The following CNTLN variants were observed in gnomAD, a reference collection of about 807,000 sequenced individuals.
CNTLN encodes centlein, centrosomal protein.
Under a neutral mutation model 180.0 loss-of-function variants are expected in CNTLN, and 212 were observed. The observed-to-expected ratio is 1.18, with a 90% CI of 1.05 to 1.32. The LOEUF (loss-of-function observed/expected upper bound fraction) is 1.32. Among genes scored for constraint, CNTLN ranks in the 40% most tolerant of loss-of-function variants. CNTLN has a pLI of 0.00. For synonymous variants in CNTLN, 722 were observed against 563.1 expected, an observed-to-expected ratio of 1.28 and a Z score of -3.99; for missense variants, 2,095 against 1,610.9, an observed-to-expected ratio of 1.30 and a Z score of -5.14.
intron 5 of CNTLN, among the ~76,000 whole-genome samples, chr9:17,258,884 T>TG (rs1473142879): frequency 6.9e-6 from 1 of 145,902 alleles, no homozygotes; most frequent in Admixed American, 6.8e-5. Flanking sequence ...GCTGAGACAG[T>TG]GGGGTTTTCT....
At chr9:17,435,966 G>A (rs1829749329) in intron 18 of CNTLN, among the ~76,000 whole-genome samples, 1 of 152,052 alleles carries the variant, frequency 6.6e-6, no homozygotes, top group South Asian at 2.1e-4. Context: ...CTTTATATTA[G>A]AATGTGGCTG....
rs145545336 is a variant in CNTLN, at chr9:17,331,438, C to G, written c.1518+630C>G. Among the ~76,000 whole-genome samples, 166 of 151,794 alleles carry G rather than the reference C, an allele frequency of 1.1e-3. 1 individual carries two copies. Among genetic ancestry groups the G allele is most frequent in the Middle Eastern group, 4.1e-3 (1 of 246 alleles). On this transcript the variant is annotated intron_variant, in intron 9 of 25. Transcript: ENST00000380647. ...CAGAATGTTGACTAATATAAAAATT[C>G]TAAAATATCATGTAGTACATACATT... is the stretch of plus-strand genomic sequence containing the variant.
chr9:17,500,402 A>G (rs1373221945), intron 25 of CNTLN, among the ~76,000 whole-genome samples: 2 of 152,226 alleles, frequency 1.3e-5, no homozygotes, highest in South Asian at 2.1e-4. Flanking sequence ...TTTAAATTTG[A>G]AAATGAAATT....
chr9:17,524,617 A>G, the CNTLN span, among the ~76,000 whole-genome samples: 1 of 152,246 alleles, frequency 6.6e-6, no homozygotes, highest in Non-Finnish European at 1.5e-5. Context: ...AACAATTACA[A>G]TATTCCATTG....
At chr9:17,417,890 G>T (rs763782332) in intron 18 of CNTLN, among the ~76,000 whole-genome samples, 1 of 151,868 alleles carries the variant, frequency 6.6e-6, no homozygotes, top group Non-Finnish European at 1.5e-5. Flanking sequence ...TCAACTACTT[G>T]TAAAGATAAA....
At chr9:17,223,903 T>C (rs76146758) in intron 2 of CNTLN, among the ~76,000 whole-genome samples, 2,818 of 152,106 alleles carry the variant, frequency 0.019, 85 homozygotes, top group African/African-American at 0.064. Context: ...TGTACTTCCG[T>C]GCTGTTCTTT....
intron 5 of CNTLN, among the ~76,000 whole-genome samples, chr9:17,240,576 T>G (rs1825421399): frequency 6.6e-6 from 1 of 152,222 alleles, no homozygotes; most frequent in Non-Finnish European, 1.5e-5. Context: ...TGTATTCACA[T>G]CTTTTGTCCC....
chr9:17,226,170 A>T (rs745483628), intron 2 of CNTLN, 33 bp from the exon 3 acceptor site: 1 of 1,143,312 alleles, frequency 8.7e-7, no homozygotes, highest in African/African-American at 1.6e-5. Context: ...GCTACCAGTT[A>T]TGACTAATAA....
chr9:17,412,561 G>A (rs903999297), intron 16 of CNTLN, among the ~76,000 whole-genome samples: 5 of 151,820 alleles, frequency 3.3e-5, no homozygotes, highest in African/African-American at 1.2e-4. Flanking sequence ...TCACTTTCAG[G>A]GCAGTATTCA....
At chr9:17,301,730 A>T (rs1818368778) in intron 7 of CNTLN, 1 of 949,868 alleles carries the variant, frequency 1.1e-6, no homozygotes, top group Non-Finnish European at 1.3e-6. Flanking sequence ...TTTATTCTTT[A>T]TAAATTTTGT....
chr9:17,334,021 T>A (rs1820818036), intron 10 of CNTLN, among the ~76,000 whole-genome samples: 1 of 152,128 alleles, frequency 6.6e-6, no homozygotes, highest in Non-Finnish European at 1.5e-5. Flanking sequence ...TTATGGGCAT[T>A]TTTGAGGAGC....
chr9:17,162,929 G>C (rs1250750063), intron 2 of CNTLN, among the ~76,000 whole-genome samples: 1 of 152,118 alleles, frequency 6.6e-6, no homozygotes, highest in African/African-American at 2.4e-5. Flanking sequence ...GTTTTGATGA[G>C]GTATTAGTCT....
intron 18 of CNTLN, among the ~76,000 whole-genome samples, chr9:17,445,685 G>C (rs969095540): frequency 6.6e-5 from 10 of 152,292 alleles, no homozygotes; most frequent in African/African-American, 2.4e-4. Flanking sequence ...GCCTAGGAAA[G>C]CCAGGTATTG....
chr9:17,179,783 A>G (rs1173506116), intron 2 of CNTLN, among the ~76,000 whole-genome samples: 1 of 152,118 alleles, frequency 6.6e-6, no homozygotes. Context: ...AAACATAATT[A>G]TTGATTTATC....
At chr9:17,196,330 A>G (rs886448112) in intron 2 of CNTLN, among the ~76,000 whole-genome samples, 2 of 152,186 alleles carry the variant, frequency 1.3e-5, no homozygotes, top group Non-Finnish European at 2.9e-5. Flanking sequence ...GGCCTAGATC[A>G]GAGTTTATAT....
chr9:17,367,707 C>T (rs1457752922), intron 13 of CNTLN, among the ~76,000 whole-genome samples: 1 of 152,080 alleles, frequency 6.6e-6, no homozygotes, highest in African/African-American at 2.4e-5. Context: ...TTATTCTAGG[C>T]CCTAGCTCCT....
At chr9:17,207,610 T>A (rs1045514614) in intron 2 of CNTLN, among the ~76,000 whole-genome samples, 2 of 152,132 alleles carry the variant, frequency 1.3e-5, no homozygotes, top group African/African-American at 4.8e-5. Flanking sequence ...CCCAGCTCCT[T>A]GTACTTCCTG....
At chr9:17,357,716 G>C (rs1188829596) in intron 12 of CNTLN, among the ~76,000 whole-genome samples, 3 of 150,898 alleles carry the variant, frequency 2.0e-5, no homozygotes, top group African/African-American at 7.3e-5. Context: ...AGACAGCAAA[G>C]TTACTTTCCA....
chr9:17,305,960 C>G (rs1041260295), intron 7 of CNTLN, among the ~76,000 whole-genome samples: 2 of 152,066 alleles, frequency 1.3e-5, no homozygotes, highest in Admixed American at 6.6e-5. Context: ...TTTCTCAGTT[C>G]TTTTTCACCT....
Sources: allele counts gnomAD v4.1 joint callset (sites outside exome capture counted in the v4.1 genomes callset), GRCh38; gene constraint gnomAD v4.1.1; transcripts MANE v1.5; gene names NCBI Gene and HGNC (gene_info 2026-07-23, HGNC 2026-07-21).